ZNF541: variants seen among roughly 807,000 people sequenced by gnomAD.
ZNF541 encodes the protein zinc finger protein 541.
In ZNF541, 23 loss-of-function variants were observed where a neutral mutation model predicts 123.5. The observed-to-expected ratio is 0.19, with a 90% CI of 0.13 to 0.26. The LOEUF is 0.26. ZNF541 is among the 10% of genes least tolerant of loss of function. The pLI is 1.00. For missense variants in ZNF541, 1,612 were observed against 1,789.9 expected (o/e 0.90, Z 1.79); for synonymous variants, 751 against 754.5 (o/e 1.00, Z 0.08).
At chr19:47,570,237 G>A (rs1231336649) in intron 2 of ZNF541, among the ~76,000 whole-genome samples, 1 of 151,160 alleles carries the variant, frequency 6.6e-6, no homozygotes, top group Non-Finnish European at 1.5e-5. Context: ...TCACTCCACT[G>A]CACTCCAGCC....
In ZNF541 at chr19:47,545,630, C is replaced by T. The variant is rs1970313898; in HGVS notation, c.899G>A (p.Ser300Asn). The change falls in exon 5 of 17, where the codon AGC becomes AAC. Residue 300 changes from serine (S) to asparagine (N), a missense_variant. Ser to Asn is a conservative substitution (Grantham distance 46). This residue lies in a region of ZNF541 where 1,080 missense variants were observed against 1,013.8 expected (regional missense o/e 1.07). Transcript: ENST00000391901. This position sits in a 1 kb window ranked among gnomAD's most constrained non-coding sequence, Gnocchi z 7.5. ...PGPAPAGASDSEGRNTACPCP... is the reference protein window; with the variant it reads ...PGPAPAGASDNEGRNTACPCP... ...GGGACAGGCAGTGTTCCTCCCTTCGCTGTCTGAAGCCCCCGCCGGGGCTGG... is the reference window on the plus strand; with the variant it reads ...GGGACAGGCAGTGTTCCTCCCTTCGTTGTCTGAAGCCCCCGCCGGGGCTGG... 6.5e-7 allele frequency: 1 copy of T among 1,549,784 alleles called. No individual in the cohort carries two copies. The highest frequency in any genetic ancestry group is 8.7e-7 in the Non-Finnish European group (1 of 1,146,628).
chr19:47,563,001 G>A (rs369628818), intron 2 of ZNF541, among the ~76,000 whole-genome samples: 4 of 152,116 alleles, frequency 2.6e-5, no homozygotes, highest in African/African-American at 4.8e-5. Context: ...CTTGAATAAC[G>A]GGAGTTTGGG....
At chr19:47,538,475 G>A (rs181482443) in intron 8 of ZNF541, 36 bp from the exon 9 acceptor site, 48 of 1,455,598 alleles carry the variant, frequency 3.3e-5, no homozygotes, top group East Asian at 3.3e-4. Flanking sequence ...GTCGCCTGAA[G>A]CCACCTACTG....
intron 2 of ZNF541, among the ~76,000 whole-genome samples, chr19:47,558,511 A>AC (rs1970922926): frequency 6.6e-6 from 1 of 151,164 alleles, no homozygotes; most frequent in Non-Finnish European, 1.5e-5. Flanking sequence ...ACATTAACTT[A>AC]GTTATTTAAA....
rs371085661 is a variant in ZNF541 at position 47,553,656 on chromosome 19, G to T, written c.307+1894C>A. 2.0e-5 allele frequency among the ~76,000 whole-genome samples: 3 copies of T among 151,956 alleles called. No homozygotes were observed. In the East Asian group the frequency reaches 5.8e-4, roughly 29 times the overall value. ...CCTGACCTCATGATCCGCCTGCCTC[G>T]GCCTCCCAAAGTGCTGGGATTACAG... On this transcript the variant is annotated intron_variant, in intron 3 of 16. Coordinates refer to ENST00000391901, the MANE Select transcript of ZNF541 (RefSeq NM_001277075.3).
At chr19:47,541,065 G>C (rs1599993962) in intron 5 of ZNF541, 114 bp from the exon 6 acceptor site, 3 of 968,182 alleles carry the variant, frequency 3.1e-6, no homozygotes, top group Non-Finnish European at 4.5e-6. Context: ...CCTTGGATTA[G>C]ACAGTGGTTT....
At chr19:47,556,731 A>G (rs895341880) in intron 2 of ZNF541, among the ~76,000 whole-genome samples, 23 of 151,812 alleles carry the variant, frequency 1.5e-4, no homozygotes, top group Middle Eastern at 3.4e-3. Flanking sequence ...ATATAGATTA[A>G]ATGTGGAATG....
intron 10 of ZNF541, 113 bp from the exon 11 acceptor site, chr19:47,532,383 A>C: frequency 8.0e-7 from 1 of 1,252,368 alleles, no homozygotes; most frequent in Non-Finnish European, 1.1e-6. Flanking sequence ...CTCCATGGAA[A>C]CCCTCTGCTG....
chr19:47,567,314 G>C (rs1461148233), intron 2 of ZNF541, among the ~76,000 whole-genome samples: 1 of 152,098 alleles, frequency 6.6e-6, no homozygotes, highest in African/African-American at 2.4e-5. Context: ...CTGGAGTGTA[G>C]TGGTGCAATC....
chr19:47,573,197 G>T (rs1971537516), upstream of ZNF541, among the ~76,000 whole-genome samples: 1 of 150,310 alleles, frequency 6.7e-6, no homozygotes, highest in Admixed American at 6.6e-5. Flanking sequence ...CCCACCCCCG[G>T]ATCTCCTCGC....
At chr19:47,569,407 C>T (rs1463091408) in intron 2 of ZNF541, among the ~76,000 whole-genome samples, 2 of 152,018 alleles carry the variant, frequency 1.3e-5, no homozygotes, top group African/African-American at 4.8e-5. Flanking sequence ...GTAAATAGTC[C>T]AGAGAAGTTG....
rs112263886 is a variant in ZNF541, at chr19:47,552,084, C to G, written c.308-2599G>C. ...TGTTGGCCAGGCTAGTCTCAAACTTCTGGCCTCAAGCGATCCTCCCACCTC... is the reference window on the plus strand; with the variant it reads ...TGTTGGCCAGGCTAGTCTCAAACTTGTGGCCTCAAGCGATCCTCCCACCTC... On this transcript the variant is annotated intron_variant, in intron 3 of 16. Coordinates refer to ENST00000391901, the MANE Select transcript of ZNF541 (RefSeq NM_001277075.3). Among the ~76,000 whole-genome samples, 660 of 152,158 alleles carry G rather than the reference C, an allele frequency of 4.3e-3. 6 individuals carry two copies. Among genetic ancestry groups the G allele is most frequent in the African/African-American group, 0.015 (630 of 41,542 alleles).
chr19:47,527,015 C>T (rs1969330260), intron 14 of ZNF541, among the ~76,000 whole-genome samples: 1 of 152,208 alleles, frequency 6.6e-6, no homozygotes, highest in South Asian at 2.1e-4. Context: ...GGAGACCTAT[C>T]AATACCTGGA....
intron 2 of ZNF541, among the ~76,000 whole-genome samples, chr19:47,565,689 T>G (rs1971235495): frequency 6.6e-6 from 1 of 152,172 alleles, no homozygotes; most frequent in Non-Finnish European, 1.5e-5. Context: ...ATGGTATCCC[T>G]CTCATTAAAT....
In ZNF541 at chr19:47,544,691, G is replaced by C. The variant is rs1439643222; in HGVS notation, c.1838C>G (p.Ala613Gly). The stretch of plus-strand genomic sequence containing the variant: ...CTCTGCCTCGGGGTTTCCAGGGCCG[G>C]CGTGGAGAGAGTCCACAGCAGGAGC... ...PLAPAVDSLH[A>G]GPGNPEAEGS... The change falls in exon 5 of 17, where the codon GCC (alanine) becomes GGC (glycine). Residue 613 changes from alanine to glycine, a missense_variant. By Grantham distance (60) the Ala-to-Gly change is moderately conservative (BLOSUM62 0). Around this residue, in one of 5 missense-constraint regions of ZNF541, gnomAD observed 1,080 missense variants for 1,013.8 expected, o/e 1.07. Transcript: ENST00000391901. 1 of 1,521,798 alleles carries C rather than the reference G, an allele frequency of 6.6e-7. No homozygotes were observed. The highest frequency in any genetic ancestry group is 8.8e-7 in the Non-Finnish European group (1 of 1,136,622). 94.3% of individuals were successfully genotyped at this position (1,521,798 alleles called of 1,614,324 possible). A position where few individuals can be genotyped will look rare whatever the true frequency, so the allele number is the denominator to read the frequency against.
intron 9 of ZNF541, among the ~76,000 whole-genome samples, chr19:47,536,627 G>A (rs1168225026): frequency 6.6e-6 from 1 of 152,168 alleles, no homozygotes; most frequent in Non-Finnish European, 1.5e-5. Flanking sequence ...AGGCATGGGG[G>A]TGCATGCCTG....
rs138853138 is a variant in ZNF541 at position 47,561,801 on chromosome 19, C to T, written c.-98-5847G>A. ...AACTAACAGAACAGACTACTGACCA[C>T]ACCCCACAAAGAACACAATCTTTAC... On this transcript the variant is annotated intron_variant, in intron 2 of 16. Coordinates refer to ENST00000391901, the MANE Select transcript of ZNF541 (RefSeq NM_001277075.3). Among the ~76,000 whole-genome samples the T allele has an allele frequency of 1.8e-3, 272 of 152,206 alleles. 1 individual carries two copies. Among genetic ancestry groups the T allele is most frequent in the Admixed American group, 2.9e-3 (45 of 15,278 alleles).
rs946340359 is a variant in ZNF541 at position 47,545,341 on chromosome 19, G to T, written c.1188C>A (p.Leu396=). 10 of 1,547,010 alleles carry T rather than the reference G, an allele frequency of 6.5e-6. No individual in the cohort carries two copies. The highest frequency in any genetic ancestry group is 8.7e-6 in the Non-Finnish European group (10 of 1,145,370). The change falls in exon 5 of 17, where the codon CTC becomes CTA. Residue 396 remains leucine, a synonymous_variant. Coordinates refer to ENST00000391901, the MANE Select transcript of ZNF541 (RefSeq NM_001277075.3). The surrounding 1 kb of genome is among the most constrained non-coding windows in gnomAD (Gnocchi z 7.5). Reference sequence around the variant, plus strand: ...TGGCAGGGACCGTCTGGCCTCGGAAGAGAGGCAGGCAGGCAGGCACGGAGC... The same window carrying T: ...TGGCAGGGACCGTCTGGCCTCGGAATAGAGGCAGGCAGGCAGGCACGGAGC... The part of the protein sequence containing the change: ...EGGSVPACLP[L]FRGQTVPASS...
At chr19:47,554,064 A>T (rs1970715168) in intron 3 of ZNF541, among the ~76,000 whole-genome samples, 1 of 152,220 alleles carries the variant, frequency 6.6e-6, no homozygotes, top group South Asian at 2.1e-4. Flanking sequence ...ACCAACTCTT[A>T]CAACTTAAAT....
Sources: allele counts gnomAD v4.1 joint callset (sites outside exome capture counted in the v4.1 genomes callset), GRCh38; gene constraint gnomAD v4.1.1; regional missense constraint gnomAD v4.1.1; non-coding constraint Gnocchi (gnomAD v3.1); transcripts MANE v1.5; gene names NCBI Gene and HGNC (gene_info 2026-07-23, HGNC 2026-07-21).